Variants in TUT4 observed in about 807,000 individuals in gnomAD.
The protein encoded by TUT4 is terminal uridylyl transferase 4, also known as terminal uridylyltransferase 4.
TUT4 carries 36 observed loss-of-function variants against 192.2 expected under a neutral mutation model. The ratio of observed to expected loss-of-function variants is 0.19; its 90% CI spans 0.14 to 0.25. TUT4 has a LOEUF of 0.25. Among genes scored for constraint, TUT4 ranks in the 10% least tolerant of loss-of-function variants. TUT4 has a pLI of 1.00. For synonymous variants in TUT4, 618 were observed against 666.0 expected, an observed-to-expected ratio of 0.93 and a Z score of 1.11; for missense variants, 1,493 against 1,957.2, an observed-to-expected ratio of 0.76 and a Z score of 4.47.
intron 24 of TUT4, among the ~76,000 whole-genome samples, chr1:52,443,452 G>A (rs2148401852): frequency 7.2e-6 from 1 of 139,484 alleles, no homozygotes; most frequent in East Asian, 2.2e-4. Flanking sequence ...AGCCAGGTGT[G>A]GTGGCGCGTG....
At chr1:52,487,253 C>T (rs1670020161) in intron 9 of TUT4, among the ~76,000 whole-genome samples, 1 of 151,612 alleles carries the variant, frequency 6.6e-6, no homozygotes, top group Non-Finnish European at 1.5e-5. Flanking sequence ...GAAGACCAGC[C>T]TGGGCAACAA....
intron 4 of TUT4, among the ~76,000 whole-genome samples, chr1:52,506,126 A>G (rs1675497813): frequency 6.6e-6 from 1 of 152,046 alleles, no homozygotes; most frequent in South Asian, 2.1e-4. Context: ...CCAATGAGGG[A>G]TTTTTTAATG....
At chr1:52,519,831 TA>T (rs940616733) in intron 2 of TUT4, among the ~76,000 whole-genome samples, 2 of 151,748 alleles carry the variant, frequency 1.3e-5, no homozygotes, top group African/African-American at 2.4e-5. Flanking sequence ...ATTTTTTAAA[TA>T]AAAAAAATTG....
chr1:52,540,155 A>T (rs955488517), intron 1 of TUT4, among the ~76,000 whole-genome samples: 2 of 149,018 alleles, frequency 1.3e-5, no homozygotes, highest in African/African-American at 2.5e-5. Flanking sequence ...GGAGGCAGAG[A>T]CTGCAGTGAG....
At chr1:52,454,034 G>A (rs938439870) in intron 20 of TUT4, among the ~76,000 whole-genome samples, 4 of 152,124 alleles carry the variant, frequency 2.6e-5, no homozygotes, top group Admixed American at 2.0e-4. Flanking sequence ...ATGTGCAAGG[G>A]CTACATGAGG....
At position 52,500,727 on chromosome 1, in the gene TUT4, A is replaced by G. The variant is rs536146866; in HGVS notation, c.1000-3544T>C. ...CAATGAGCCGAGATTGTGCCATTGCACTCCAGCCTGGGCAACAAGAATGAA... is the reference window on the plus strand; with the variant it reads ...CAATGAGCCGAGATTGTGCCATTGCGCTCCAGCCTGGGCAACAAGAATGAA... On this transcript the variant is annotated intron_variant, in intron 4 of 29. Transcript: ENST00000257177. 2.0e-5 allele frequency among the ~76,000 whole-genome samples: 3 copies of G among 152,282 alleles called. No homozygotes were observed. In the South Asian group the frequency reaches 6.2e-4, roughly 32 times the overall value.
At chr1:52,545,259 C>T (rs919896159) in intron 1 of TUT4, among the ~76,000 whole-genome samples, 13 of 151,704 alleles carry the variant, frequency 8.6e-5, no homozygotes, top group African/African-American at 2.4e-4. Context: ...CGCCTGTAAT[C>T]CCAGCTACTC....
At chr1:52,438,158 T>C in intron 25 of TUT4, 62 bp downstream of exon 25, 1 of 1,257,648 alleles carries the variant, frequency 8.0e-7, no homozygotes, top group Non-Finnish European at 1.2e-6. Context: ...AACATAATTA[T>C]AGCTACAAAT....
At chr1:52,476,266 A>T (rs1352119635) in intron 12 of TUT4, among the ~76,000 whole-genome samples, 2 of 152,242 alleles carry the variant, frequency 1.3e-5, no homozygotes, top group African/African-American at 4.8e-5. Flanking sequence ...AGTGAGATTA[A>T]AAAGTAAAAG....
chr1:52,498,168 C>G (rs1672916377), intron 4 of TUT4, among the ~76,000 whole-genome samples: 1 of 151,264 alleles, frequency 6.6e-6, no homozygotes, highest in Non-Finnish European at 1.5e-5. Context: ...TTCTAAGTCT[C>G]TGTGATCATT....
intron 22 of TUT4, 48 bp from the exon 23 acceptor site, chr1:52,446,052 T>C (rs770498274): frequency 1.3e-6 from 2 of 1,546,164 alleles, no homozygotes; most frequent in African/African-American, 1.4e-5. Flanking sequence ...CACTGTACCA[T>C]AAAAATATAC....
intron 2 of TUT4, among the ~76,000 whole-genome samples, chr1:52,519,053 CACACAAAAACTTTT>C (rs1557928559): frequency 1.2e-4 from 18 of 152,106 alleles, no homozygotes; most frequent in African/African-American, 4.3e-4. Context: ...AACATACATC[CACACAAAAACTTTT>C]ACACAAATGT....
intron 6 of TUT4, among the ~76,000 whole-genome samples, chr1:52,494,570 T>G (rs941187761): frequency 1.3e-5 from 2 of 152,102 alleles, no homozygotes; most frequent in Non-Finnish European, 2.9e-5. Flanking sequence ...CACACACCTG[T>G]AATCCCAGCT....
chr1:52,527,987 G>T (rs139261024), intron 1 of TUT4, among the ~76,000 whole-genome samples: 2 of 151,792 alleles, frequency 1.3e-5, no homozygotes, highest in Non-Finnish European at 2.9e-5. Flanking sequence ...GACCAGCCTG[G>T]CCAACATGGT....
intron 13 of TUT4, 89 bp downstream of exon 13, chr1:52,474,743 T>C (rs1164490491): frequency 1.8e-6 from 2 of 1,130,416 alleles, no homozygotes; most frequent in African/African-American, 1.6e-5. Flanking sequence ...CCACTTTATA[T>C]AGCTATTTTT....
chr1:52,461,477 G>A (rs561578917), intron 18 of TUT4, 36 bp downstream of exon 18: 1 of 1,557,684 alleles, frequency 6.4e-7, no homozygotes, highest in African/African-American at 1.4e-5. Flanking sequence ...CTTTTAAAAT[G>A]AAAAGTATAT....
chr1:52,473,162 A>AT (rs1666226360), intron 13 of TUT4, among the ~76,000 whole-genome samples: 1 of 152,154 alleles, frequency 6.6e-6, no homozygotes. Flanking sequence ...AAAACCTGCC[A>AT]TTTATTTGAT....
intron 13 of TUT4, among the ~76,000 whole-genome samples, chr1:52,472,568 T>C (rs1163443065): frequency 6.6e-6 from 1 of 150,822 alleles, no homozygotes; most frequent in Non-Finnish European, 1.5e-5. Context: ...ATTAAACTAA[T>C]TTATTATTAA....
At chr1:52,530,471 T>C (rs1017825737) in intron 1 of TUT4, among the ~76,000 whole-genome samples, 1 of 152,156 alleles carries the variant, frequency 6.6e-6, no homozygotes, top group Admixed American at 6.5e-5. Context: ...CATTTATCCT[T>C]TGAGTTACAA....
Sources: gnomAD v4.1 joint callset for allele counts (sites outside exome capture counted in the v4.1 genomes callset) on GRCh38, gnomAD v4.1.1 for gene constraint, MANE v1.5 for transcripts, NCBI Gene and HGNC (gene_info 2026-07-23, HGNC 2026-07-21) for gene names.